The following CABLES1 variants were observed in gnomAD, a reference collection of about 807,000 sequenced individuals.
The protein encoded by CABLES1 is Cdk5 and Abl enzyme substrate 1.
CABLES1 carries 36 observed loss-of-function variants against 57.8 expected under a neutral mutation model. That is an observed-to-expected ratio of 0.62 (90% CI 0.48 to 0.82). CABLES1 has a LOEUF of 0.82. Ranked by LOEUF, CABLES1 falls within the 40% of genes least tolerant of loss-of-function variation. The pLI is 0.00. For synonymous variants in CABLES1, 374 were observed against 363.0 expected (o/e 1.03, Z -0.35); for missense variants, 767 against 836.6 (o/e 0.92, Z 1.03).
intron 4 of CABLES1, among the ~76,000 whole-genome samples, chr18:23,223,488 G>T (rs1176322316): frequency 6.6e-6 from 1 of 151,038 alleles, no homozygotes; most frequent in African/African-American, 2.4e-5. Flanking sequence ...TGAGGCAGGA[G>T]AATCTCTTGA....
At chr18:23,214,804 C>T (rs1470780546) in intron 4 of CABLES1, 1 of 152,276 alleles carries the variant, frequency 6.6e-6, no homozygotes, top group African/African-American at 2.4e-5. Context: ...TTGTGCCAGC[C>T]ACACCACAGA....
intron 1 of CABLES1, among the ~76,000 whole-genome samples, chr18:23,171,130 G>C (rs1391365482): frequency 6.6e-6 from 1 of 152,176 alleles, no homozygotes; most frequent in African/African-American, 2.4e-5. Context: ...TATTGGGGAG[G>C]GAGTGCTAAT....
intron 4 of CABLES1, among the ~76,000 whole-genome samples, chr18:23,229,231 G>A (rs1329051691): frequency 1.3e-5 from 2 of 152,148 alleles, no homozygotes; most frequent in Non-Finnish European, 2.9e-5. Context: ...GGCCAACGTG[G>A]TGAAACCCCA....
At chr18:23,179,051 C>T (rs551847178) in intron 1 of CABLES1, among the ~76,000 whole-genome samples, 5 of 152,258 alleles carry the variant, frequency 3.3e-5, no homozygotes, top group East Asian at 1.9e-4. Context: ...TTTGGGAGGC[C>T]GAGGCGGGCC....
intron 7 of CABLES1, among the ~76,000 whole-genome samples, chr18:23,250,581 G>A (rs1230991622): frequency 1.3e-5 from 2 of 152,342 alleles, no homozygotes; most frequent in African/African-American, 4.8e-5. Flanking sequence ...CTGTCTTGGA[G>A]GGCTGCCACA....
At chr18:23,244,140 A>G (rs1056282932) in intron 7 of CABLES1, among the ~76,000 whole-genome samples, 1 of 152,216 alleles carries the variant, frequency 6.6e-6, no homozygotes, top group African/African-American at 2.4e-5. Context: ...TTAGAAGTGC[A>G]TCCAAATACT....
intron 3 of CABLES1, among the ~76,000 whole-genome samples, chr18:23,201,526 A>G (rs2047325195): frequency 6.6e-6 from 1 of 152,224 alleles, no homozygotes. Context: ...CTCCATTTAT[A>G]TGAAATAACC....
chr18:23,191,079 A>AC (rs2047239294), intron 2 of CABLES1, among the ~76,000 whole-genome samples: 2 of 135,696 alleles, frequency 1.5e-5, no homozygotes, highest in South Asian at 4.8e-4. Flanking sequence ...CCCCATCTCT[A>AC]CAAAAAAAAA....
chr18:23,222,024 A>G (rs1225541515), intron 4 of CABLES1, among the ~76,000 whole-genome samples: 1 of 152,204 alleles, frequency 6.6e-6, no homozygotes, highest in East Asian at 1.9e-4. Flanking sequence ...GTGAGACTGC[A>G]TAGATGTCCA....
At chr18:23,188,984 T>C in intron 2 of CABLES1, 75 bp downstream of exon 2, 1 of 958,642 alleles carries the variant, frequency 1.0e-6, no homozygotes, top group South Asian at 1.5e-5. Context: ...GTTTTTTAAC[T>C]TCTTGATCTA....
chr18:23,191,584 C>T (rs531965681), intron 2 of CABLES1, among the ~76,000 whole-genome samples: 44 of 152,242 alleles, frequency 2.9e-4, no homozygotes, highest in African/African-American at 1.0e-3. Flanking sequence ...TTAAGCTTAG[C>T]AGAAGAACAA....
intron 2 of CABLES1, among the ~76,000 whole-genome samples, chr18:23,190,134 C>A (rs1307083227): frequency 6.6e-6 from 1 of 152,178 alleles, no homozygotes; most frequent in African/African-American, 2.4e-5. Context: ...CATTTCCCTG[C>A]AGGAGTCATA....
At chr18:23,239,029 C>T (rs979463979) in intron 7 of CABLES1, among the ~76,000 whole-genome samples, 1 of 152,230 alleles carries the variant, frequency 6.6e-6, no homozygotes, top group Non-Finnish European at 1.5e-5. Flanking sequence ...GCCGACCTCT[C>T]CTTTTATAGG....
rs530636936 is a variant in CABLES1, at chr18:23,186,228, T to C, written c.846-2610T>C. Reference sequence around the variant, plus strand: ...TCAGCCTGCTCCTGGTCAGCTGAGCTGGGGTGCAGGTCAGGGTGCAGCCTC... The same window carrying C: ...TCAGCCTGCTCCTGGTCAGCTGAGCCGGGGTGCAGGTCAGGGTGCAGCCTC... On this transcript the variant is annotated intron_variant, in intron 1 of 9. Coordinates refer to ENST00000256925, the MANE Select transcript of CABLES1 (RefSeq NM_001100619.3). 2.0e-5 allele frequency among the ~76,000 whole-genome samples: 3 copies of C among 152,318 alleles called. No homozygotes were observed. In the South Asian group the frequency reaches 6.2e-4, roughly 32 times the overall value.
intron 1 of CABLES1, among the ~76,000 whole-genome samples, chr18:23,168,419 CAT>C (rs2047058668): frequency 6.6e-6 from 1 of 152,092 alleles, no homozygotes; most frequent in African/African-American, 2.4e-5. Flanking sequence ...TAGTCAAATT[CAT>C]AGAGACAGAA....
intron 7 of CABLES1, among the ~76,000 whole-genome samples, chr18:23,247,978 C>T (rs888333422): frequency 4.6e-5 from 7 of 152,244 alleles, no homozygotes; most frequent in Non-Finnish European, 1.5e-5. Flanking sequence ...TTGGATTTTT[C>T]CCCGCCTCTC....
intron 7 of CABLES1, among the ~76,000 whole-genome samples, chr18:23,250,054 A>G (rs1304386376): frequency 1.3e-5 from 2 of 152,208 alleles, no homozygotes; most frequent in Non-Finnish European, 2.9e-5. Flanking sequence ...GCTCTCTTTC[A>G]AGGGAAGTGT....
intron 9 of CABLES1, among the ~76,000 whole-genome samples, chr18:23,254,185 C>T (rs1033287578): frequency 3.3e-5 from 5 of 152,180 alleles, no homozygotes; most frequent in Admixed American, 1.3e-4. Flanking sequence ...TCTCAGACAC[C>T]ATGTGAGATG....
intron 1 of CABLES1, among the ~76,000 whole-genome samples, chr18:23,185,080 T>C (rs1388251037): frequency 6.6e-6 from 1 of 152,242 alleles, no homozygotes; most frequent in Non-Finnish European, 1.5e-5. Flanking sequence ...TTACCGAATA[T>C]GCTGGGTTTT....
Sources: allele counts gnomAD v4.1 joint callset (sites outside exome capture counted in the v4.1 genomes callset), GRCh38; gene constraint gnomAD v4.1.1; transcripts MANE v1.5; gene names NCBI Gene and HGNC (gene_info 2026-07-23, HGNC 2026-07-21).